Variants in DNAH5 observed in about 807,000 individuals in gnomAD.
The protein encoded by DNAH5 is axonemal beta dynein heavy chain 5.
DNAH5 carries 372 observed loss-of-function variants against 518.2 expected under a neutral mutation model. That is an observed-to-expected ratio of 0.72 (90% CI 0.66 to 0.78). The LOEUF is 0.78. DNAH5 is among the 30% of genes least tolerant of loss of function. The probability of loss-of-function intolerance (pLI) is 0.00; values close to 1 mark genes in which losing one functional copy is unlikely to be tolerated. For synonymous variants in DNAH5, 2,039 were observed against 2,025.9 expected, an observed-to-expected ratio of 1.01 and a Z score of -0.17; for missense variants, 5,523 against 5,687.0, an observed-to-expected ratio of 0.97 and a Z score of 0.93.
intron 22 of DNAH5, 78 bp from the exon 23 acceptor site, chr5:13,871,843 G>A: frequency 7.9e-7 from 1 of 1,260,330 alleles, no homozygotes; most frequent in Non-Finnish European, 1.1e-6. Context: ...TTTACCAACT[G>A]CTGGTGGTTC....
At chr5:13,867,178 T>A (rs1769376659) in intron 25 of DNAH5, among the ~76,000 whole-genome samples, 1 of 152,230 alleles carries the variant, frequency 6.6e-6, no homozygotes, top group Non-Finnish European at 1.5e-5. Flanking sequence ...TTTAAATTTA[T>A]CATTTTCTGT....
At chr5:13,810,571 T>A in intron 44 of DNAH5, 2 of 165,192 alleles carry the variant, frequency 1.2e-5, no homozygotes, top group Non-Finnish European at 2.3e-5. Flanking sequence ...AAACCCCGTC[T>A]CTACTAAAAA....
At chr5:13,962,104 C>A (rs1469736630) in intron 1 of DNAH5, among the ~76,000 whole-genome samples, 1 of 152,222 alleles carries the variant, frequency 6.6e-6, no homozygotes, top group African/African-American at 2.4e-5. Context: ...ACCCATGAAA[C>A]CATCACCACA....
At chr5:13,923,724 G>A (rs570432816) in intron 3 of DNAH5, among the ~76,000 whole-genome samples, 1 of 152,154 alleles carries the variant, frequency 6.6e-6, no homozygotes, top group Non-Finnish European at 1.5e-5. Context: ...CAGACCCTCT[G>A]CTAGGTACCC....
At chr5:13,940,872 C>G (rs1779395698) in intron 1 of DNAH5, among the ~76,000 whole-genome samples, 1 of 152,128 alleles carries the variant, frequency 6.6e-6, no homozygotes, top group Non-Finnish European at 1.5e-5. Context: ...TCCATGGTGT[C>G]TAGAAGGGTT....
At chr5:13,795,899 T>C (rs1040426163) in intron 47 of DNAH5, among the ~76,000 whole-genome samples, 3 of 152,120 alleles carry the variant, frequency 2.0e-5, no homozygotes, top group Non-Finnish European at 2.9e-5. Flanking sequence ...GTTCAACATA[T>C]GCAATCAATA....
intron 1 of DNAH5, among the ~76,000 whole-genome samples, chr5:13,943,061 T>G (rs1779610375): frequency 6.6e-6 from 1 of 152,098 alleles, no homozygotes; most frequent in East Asian, 1.9e-4. Flanking sequence ...AATTGAAACC[T>G]CCAAAAGACT....
intron 1 of DNAH5, among the ~76,000 whole-genome samples, chr5:14,004,725 G>T (rs190677409): frequency 1.3e-5 from 2 of 152,298 alleles, no homozygotes; most frequent in East Asian, 3.9e-4. Flanking sequence ...CAGGCCTTCA[G>T]AAATTATGAC....
Position 13,850,577 on chromosome 5 carries a change from G to A in DNAH5, c.5114+75C>T. On this transcript the variant is annotated intron_variant, in intron 31 of 78. Transcript: ENST00000265104. ...GCCTTAGCAAAAGAAAACAAATTTG[G>A]CTAATGCTATCTAGTCTCCCTGTAT... 13 of 1,340,234 alleles carry A rather than the reference G, an allele frequency of 9.7e-6. 1 individual carries two copies. The South Asian group carries it at 1.5e-4, about 16-fold the overall frequency. 83.0% of individuals were successfully genotyped at this position (1,340,234 alleles called of 1,614,324 possible).
chr5:13,789,793 T>C (rs1219576145), intron 50 of DNAH5, among the ~76,000 whole-genome samples: 1 of 152,218 alleles, frequency 6.6e-6, no homozygotes, highest in Non-Finnish European at 1.5e-5. Context: ...CATTGACTTG[T>C]AAATAACTTT....
chr5:13,867,912 A>G lies in DNAH5; in HGVS notation c.3915T>C (p.Ala1305=). The G allele has an allele frequency of 6.2e-7, 1 of 1,614,092 alleles. No homozygotes were observed. The highest frequency in any genetic ancestry group is 8.5e-7 in the Non-Finnish European group (1 of 1,179,984). The change falls in exon 25 of 79, where the codon GCT becomes GCC. Residue 1305 remains alanine, a synonymous_variant. Coordinates refer to ENST00000265104, the MANE Select transcript of DNAH5 (RefSeq NM_001369.3). ...CAGCACGTGCCAGCAGCTTCTCCCAAGCATAGTGCAGTGTATCAACTTTGT... is the reference window on the plus strand; with the variant it reads ...CAGCACGTGCCAGCAGCTTCTCCCAGGCATAGTGCAGTGTATCAACTTTGT... The part of the protein sequence containing the change: ...EIDKVDTLHY[A]WEKLLARAGE...
chr5:13,974,360 A>G (rs369087414), intron 1 of DNAH5, among the ~76,000 whole-genome samples: 2 of 152,164 alleles, frequency 1.3e-5, no homozygotes, highest in African/African-American at 4.8e-5. Context: ...CCTGGACTCA[A>G]GCAATCTGCC....
chr5:13,737,107 G>C, intron 66 of DNAH5, 145 bp downstream of exon 66: 1 of 1,360,630 alleles, frequency 7.3e-7, no homozygotes, highest in South Asian at 1.2e-5. Flanking sequence ...CCATTTTACG[G>C]AATATTTCCC....
At chr5:13,998,018 AT>A (rs1293781988) in intron 1 of DNAH5, among the ~76,000 whole-genome samples, 1 of 151,892 alleles carries the variant, frequency 6.6e-6, no homozygotes, top group East Asian at 1.9e-4. Flanking sequence ...TAATTTTTGT[AT>A]CTTTAGTAGA....
chr5:13,834,859 A>G (rs1764163586), intron 35 of DNAH5, among the ~76,000 whole-genome samples: 1 of 152,226 alleles, frequency 6.6e-6, no homozygotes, highest in South Asian at 2.1e-4. Context: ...GTTGGCTTTT[A>G]CTTTGCATGA....
intron 17 of DNAH5, among the ~76,000 whole-genome samples, chr5:13,886,844 A>G (rs1772510938): frequency 6.6e-6 from 1 of 152,152 alleles, no homozygotes; most frequent in Non-Finnish European, 1.5e-5. Context: ...ATTCCCTCAT[A>G]TGTATAATGG....
Position 13,976,677 on chromosome 5 carries a change from A to ATG in DNAH5, c.12+34969_12+34970dup, listed in dbSNP as rs139063732. Among the ~76,000 whole-genome samples the ATG allele has an allele frequency of 7.2e-4, 101 of 141,002 alleles. 1 individual carries two copies. The highest frequency in any genetic ancestry group is 2.1e-3 in the African/African-American group (80 of 37,948). 92.5% of individuals were successfully genotyped at this position (141,002 alleles called of 152,430 possible). On this transcript the variant is annotated intron_variant, in intron 1 of 78. Transcript: ENST00000681290. ...AGGTATGTATGTATAGAAAAAAACA[A>ATG]TGTGTGTGTGTGTATATATATATAT...
intron 47 of DNAH5, among the ~76,000 whole-genome samples, chr5:13,801,755 G>C (rs544417076): frequency 7.2e-5 from 11 of 152,136 alleles, no homozygotes; most frequent in African/African-American, 2.7e-4. Context: ...GAACTCTATG[G>C]TACCCACTAC....
At chr5:13,802,521 C>A (rs1011639708) in intron 47 of DNAH5, among the ~76,000 whole-genome samples, 1 of 152,206 alleles carries the variant, frequency 6.6e-6, no homozygotes, top group Admixed American at 6.5e-5. Context: ...ATCGGCTCCT[C>A]CTCCGGACTC....
Sources: allele counts gnomAD v4.1 joint callset (sites outside exome capture counted in the v4.1 genomes callset), GRCh38; gene constraint gnomAD v4.1.1; transcripts MANE v1.5; gene names NCBI Gene and HGNC (gene_info 2026-07-23, HGNC 2026-07-21).